The following ADAM7 variants were observed in gnomAD, a reference collection of about 807,000 sequenced individuals.
The protein encoded by ADAM7 is disintegrin and metalloproteinase domain-containing protein 7.
ADAM7 carries 97 observed loss-of-function variants against 102.9 expected under a neutral mutation model. That is an observed-to-expected ratio of 0.94 (90% confidence interval 0.80 to 1.12). ADAM7 has a LOEUF of 1.12. Ranked by LOEUF, ADAM7 falls within the 50% of genes most tolerant of loss-of-function variation. The pLI is 0.00. For synonymous variants in ADAM7, 334 were observed against 304.4 expected (o/e 1.10, Z -1.01); for missense variants, 991 against 908.7 (o/e 1.09, Z -1.16).
chr8:24,487,365 G>A (rs757910286), intron 11 of ADAM7, 48 bp downstream of exon 11: 7 of 1,587,780 alleles, frequency 4.4e-6, no homozygotes, highest in Middle Eastern at 1.7e-4. Context: ...TTCAGAAGTG[G>A]GCTGGGCATG....
At chr8:24,480,066 G>A in intron 8 of ADAM7, among the ~76,000 whole-genome samples, 1 of 152,158 alleles carries the variant, frequency 6.6e-6, no homozygotes, top group East Asian at 1.9e-4. Flanking sequence ...AGGGAGGAAG[G>A]AACAGTGTGG....
chr8:24,504,898 G>T (rs1380346267), intron 20 of ADAM7, among the ~76,000 whole-genome samples: 1 of 152,026 alleles, frequency 6.6e-6, no homozygotes, highest in Non-Finnish European at 1.5e-5. Context: ...TCTTTATTAT[G>T]CCAGATGTGA....
At chr8:24,459,959 C>CA (rs1463266773) in intron 3 of ADAM7, among the ~76,000 whole-genome samples, 3 of 151,924 alleles carry the variant, frequency 2.0e-5, no homozygotes, top group Non-Finnish European at 2.9e-5. Context: ...AGATACATCT[C>CA]AAAAGTCTTG....
At chr8:24,471,953 C>G (rs1819619155) in intron 7 of ADAM7, among the ~76,000 whole-genome samples, 1 of 151,608 alleles carries the variant, frequency 6.6e-6, no homozygotes, top group South Asian at 2.1e-4. Flanking sequence ...TAAAAAATCT[C>G]AAAACTAGTT....
At chr8:24,468,857 CCTTTTGGAA>C (rs1819515785) in intron 7 of ADAM7, 37 bp downstream of exon 7, 1 of 1,553,672 alleles carries the variant, frequency 6.4e-7, no homozygotes, top group African/African-American at 1.4e-5. Flanking sequence ...CTTTATTCTT[CCTTTTGGAA>C]CTTGTAGTTA....
rs1052579729 is a variant in ADAM7, at chr8:24,508,951, G to A, written c.*405G>A. ...TACTTTTTTGGAAACATAAAAGTAC[G>A]TTTTAAAACTTGAACATGACATCAT... On this transcript the variant is annotated 3_prime_UTR_variant, in exon 22 of 22. Coordinates refer to ENST00000175238, the MANE Select transcript of ADAM7 (RefSeq NM_003817.4). 17 of 1,018,006 alleles carry A rather than the reference G, an allele frequency of 1.7e-5. No individual in the cohort carries two copies. In the African/African-American group the frequency reaches 2.1e-4, roughly 12 times the overall value. The allele number at this position is 1,018,006 out of a possible 1,614,324, so 63.1% of individuals were successfully genotyped here.
intron 3 of ADAM7, 150 bp from the exon 4 acceptor site, chr8:24,463,732 G>A: frequency 1.7e-6 from 1 of 583,690 alleles, no homozygotes; most frequent in Non-Finnish European, 3.0e-6. Flanking sequence ...CTTCATATGA[G>A]TGGGCTTGAT....
chr8:24,448,735 G>A (rs564964622), intron 3 of ADAM7, among the ~76,000 whole-genome samples: 26 of 151,458 alleles, frequency 1.7e-4, no homozygotes, highest in African/African-American at 5.8e-4. Context: ...AGTTTACATG[G>A]GCCATGGTGG....
At position 24,501,461 on chromosome 8, in the gene ADAM7, A is replaced by G. The variant is rs761750234; in HGVS notation, c.2109-16A>G. 1.1e-5 allele frequency: 18 copies of G among 1,586,452 alleles called. No individual in the cohort carries two copies. In the South Asian group the frequency reaches 1.7e-4, roughly 15 times the overall value. ...CTATATCTAATAAATTAGTTGTTCAATTTCCTTCTTGACAGCCCACCTACA... is the reference window on the plus strand; with the variant it reads ...CTATATCTAATAAATTAGTTGTTCAGTTTCCTTCTTGACAGCCCACCTACA... On this transcript the variant is annotated splice_polypyrimidine_tract_variant and intron_variant, in intron 19 of 21. Coordinates refer to ENST00000175238, the MANE Select transcript of ADAM7 (RefSeq NM_003817.4).
At chr8:24,450,765 A>C (rs1283293991) in intron 3 of ADAM7, among the ~76,000 whole-genome samples, 1 of 152,072 alleles carries the variant, frequency 6.6e-6, no homozygotes, top group Non-Finnish European at 1.5e-5. Flanking sequence ...TTGCCCATTC[A>C]GTATGATATT....
At chr8:24,448,304 C>T (rs1425437638) in intron 3 of ADAM7, among the ~76,000 whole-genome samples, 5 of 152,100 alleles carry the variant, frequency 3.3e-5, no homozygotes, top group Non-Finnish European at 7.4e-5. Context: ...TTCCAAGTTA[C>T]CTTCACAATT....
At chr8:24,446,769 G>C (rs1818574701) in intron 2 of ADAM7, among the ~76,000 whole-genome samples, 1 of 151,378 alleles carries the variant, frequency 6.6e-6, no homozygotes, top group African/African-American at 2.4e-5. Flanking sequence ...ATGGTAAATG[G>C]TGTATCCTTG....
chr8:24,476,601 T>TA (rs559549236), intron 8 of ADAM7, 97 bp downstream of exon 8: 3 of 866,770 alleles, frequency 3.5e-6, no homozygotes, highest in Non-Finnish European at 5.3e-6. Flanking sequence ...TACCTGATAT[T>TA]AAGGGAGTAC....
chr8:24,474,353 G>C (rs1819700326), intron 7 of ADAM7, among the ~76,000 whole-genome samples: 1 of 152,112 alleles, frequency 6.6e-6, no homozygotes, highest in Admixed American at 6.5e-5. Flanking sequence ...CCAAGAATAG[G>C]TTATTAAAAT....
intron 16 of ADAM7, among the ~76,000 whole-genome samples, chr8:24,498,622 A>G (rs1045716096): frequency 2.0e-5 from 3 of 151,564 alleles, no homozygotes; most frequent in Non-Finnish European, 3.0e-5. Context: ...TGTAAATATA[A>G]TCTTTGAACT....
At position 24,496,725 on chromosome 8, in the gene ADAM7, T is replaced by C. The variant is rs1036827943; in HGVS notation, c.1843-2511T>C. On this transcript the variant is annotated intron_variant, in intron 16 of 21. Coordinates refer to ENST00000175238, the MANE Select transcript of ADAM7 (RefSeq NM_003817.4). ...CCTTTGTTCTGGCCAATTTCTCCCA[T>C]TTGGAATGGCTGTATTTATCCAATG... 2.0e-5 allele frequency among the ~76,000 whole-genome samples: 3 copies of C among 152,196 alleles called. No homozygotes were observed. In the East Asian group the frequency reaches 5.8e-4, roughly 29 times the overall value.
At chr8:24,506,072 T>C in intron 20 of ADAM7, 1 of 1,538,674 alleles carries the variant, frequency 6.5e-7, no homozygotes, top group South Asian at 1.2e-5. Flanking sequence ...TGCAGGTTAA[T>C]AGTATCTCTT....
At chr8:24,451,518 C>T (rs56703355) in intron 3 of ADAM7, among the ~76,000 whole-genome samples, 17,316 of 152,012 alleles carry the variant, frequency 0.11, 1,136 homozygotes, top group Admixed American at 0.15. Flanking sequence ...TTTTTTATTG[C>T]GTCTATTTGA....
Position 24,508,606 on chromosome 8 carries a change from C to T in ADAM7, c.*60C>T, listed in dbSNP as rs925231380. On this transcript the variant is annotated 3_prime_UTR_variant, in exon 22 of 22. Coordinates refer to ENST00000175238, the MANE Select transcript of ADAM7 (RefSeq NM_003817.4). ...CTTAGGCTGGGGATTCTGGATGCAACGTCTTTACAACCTTACCTAGATATC... is the reference window on the plus strand; with the variant it reads ...CTTAGGCTGGGGATTCTGGATGCAATGTCTTTACAACCTTACCTAGATATC... 5.0e-6 allele frequency: 8 copies of T among 1,612,654 alleles called. No individual in the cohort carries two copies. The highest frequency in any genetic ancestry group is 3.3e-5 in the Admixed American group (2 of 59,882).
Sources: gnomAD v4.1 joint callset for allele counts (sites outside exome capture counted in the v4.1 genomes callset) on GRCh38, gnomAD v4.1.1 for gene constraint, MANE v1.5 for transcripts, NCBI Gene and HGNC (gene_info 2026-07-23, HGNC 2026-07-21) for gene names.